The following CEP112 variants were observed in gnomAD, a reference collection of about 807,000 sequenced individuals.
CEP112 encodes the protein centrosomal protein 112, also known as centrosomal protein of 112 kDa.
Under a neutral mutation model 153.0 loss-of-function variants are expected in CEP112, and 127 were observed. The observed-to-expected ratio is 0.83, with a 90% CI of 0.72 to 0.96. The LOEUF (loss-of-function observed/expected upper bound fraction) is 0.96, where lower values mean the gene tolerates loss of function less well. Ranked by LOEUF, CEP112 falls within the 40% of genes least tolerant of loss-of-function variation. CEP112 has a pLI of 0.00. For missense variants in CEP112, 1,089 were observed against 1,101.2 expected, an observed-to-expected ratio of 0.99 and a Z score of 0.16; for synonymous variants, 358 against 374.4, an observed-to-expected ratio of 0.96 and a Z score of 0.51.
intron 17 of CEP112, among the ~76,000 whole-genome samples, chr17:65,993,386 G>A (rs1308659314): frequency 6.6e-6 from 1 of 152,032 alleles, no homozygotes; most frequent in Admixed American, 6.6e-5. Context: ...ACTGTGAATG[G>A]TGCTGCAATG....
At chr17:65,969,496 T>G (rs912251836) in intron 17 of CEP112, among the ~76,000 whole-genome samples, 1 of 152,160 alleles carries the variant, frequency 6.6e-6, no homozygotes, top group African/African-American at 2.4e-5. Context: ...TACACACAGG[T>G]ATACTGTATT....
chr17:65,853,633 G>A (rs1242676502), intron 20 of CEP112, among the ~76,000 whole-genome samples: 1 of 151,846 alleles, frequency 6.6e-6, no homozygotes, highest in Non-Finnish European at 1.5e-5. Flanking sequence ...GAAGGCGGAG[G>A]CAGAGAACTG....
intron 8 of CEP112, among the ~76,000 whole-genome samples, chr17:66,075,540 G>C (rs913796114): frequency 6.6e-6 from 1 of 151,958 alleles, no homozygotes; most frequent in Non-Finnish European, 1.5e-5. Flanking sequence ...ATAAAAAAAG[G>C]GGGTACCAGT....
At chr17:65,879,353 C>CT (rs951878949) in intron 20 of CEP112, among the ~76,000 whole-genome samples, 2 of 152,254 alleles carry the variant, frequency 1.3e-5, no homozygotes, top group African/African-American at 4.8e-5. Flanking sequence ...AGGAAACATA[C>CT]TTTTTTCCCC....
At position 65,909,541 on chromosome 17, in the gene CEP112, C is replaced by T. The variant is rs1022805848; in HGVS notation, c.1981-7207G>A. Among the ~76,000 whole-genome samples, 17 of 152,208 alleles carry T rather than the reference C, an allele frequency of 1.1e-4. 1 individual carries two copies. The East Asian group carries it at 3.3e-3, about 29-fold the overall frequency. ...ACCCTGATAGTTGGTCATTCAGCTG[C>T]TGCTGGAATGATTTTACCAACAGGA... On this transcript the variant is annotated intron_variant, in intron 19 of 26. Coordinates refer to ENST00000535342, the MANE Select transcript of CEP112 (RefSeq NM_001199165.4).
chr17:66,044,403 G>A (rs2066113224), intron 12 of CEP112, among the ~76,000 whole-genome samples: 2 of 151,976 alleles, frequency 1.3e-5, no homozygotes, highest in Non-Finnish European at 2.9e-5. Context: ...AAATATCAAA[G>A]AGGTATCTGT....
intron 24 of CEP112, among the ~76,000 whole-genome samples, chr17:65,668,002 T>A (rs2046783964): frequency 6.6e-6 from 1 of 152,052 alleles, no homozygotes; most frequent in Admixed American, 6.5e-5. Context: ...ATTCAAGTGA[T>A]TCTCCTGGTT....
chr17:65,959,205 C>A (rs960418553), intron 18 of CEP112, among the ~76,000 whole-genome samples: 3 of 152,120 alleles, frequency 2.0e-5, no homozygotes, highest in Middle Eastern at 3.2e-3. Flanking sequence ...ACTCTAGGGC[C>A]TCCTCTCTGC....
At position 65,720,991 on chromosome 17, in the gene CEP112, T is replaced by TTCTC. The variant is rs780679393; in HGVS notation, c.2607+22076_2607+22077insGAGA. ...GTTCCAGAATCCATGCTTTTAAGTTTTATCTCTCTCTCTCTCTCTTTTTTT... is the reference window on the plus strand; with the variant it reads ...GTTCCAGAATCCATGCTTTTAAGTTTTCTCTATCTCTCTCTCTCTCTCTTTTTTT... On this transcript the variant is annotated intron_variant, in intron 23 of 26. Coordinates refer to ENST00000535342, the MANE Select transcript of CEP112 (RefSeq NM_001199165.4). 5.2e-3 allele frequency among the ~76,000 whole-genome samples: 728 copies of TTCTC among 140,380 alleles called. 18 individuals are homozygous for TTCTC. The highest frequency in any genetic ancestry group is 0.014 in the South Asian group (62 of 4,288). 92.1% of individuals were successfully genotyped at this position (140,380 alleles called of 152,430 possible).
chr17:66,175,156 G>GTAA lies in CEP112; in HGVS notation c.355_357dup (p.Leu119dup), dbSNP rs2072418071. On this transcript the variant is annotated inframe_insertion, in exon 4 of 27. Coordinates refer to ENST00000535342, the MANE Select transcript of CEP112 (RefSeq NM_001199165.4). ...TCCAGCTCACCCAGTACCCAGGCTG[G>GTAA]TAATCCCTCTGGGCTTGAACCTTTT... 6.2e-7 allele frequency: 1 copy of GTAA among 1,613,036 alleles called. No homozygotes were observed. Among genetic ancestry groups the GTAA allele is most frequent in the Non-Finnish European group, 8.5e-7 (1 of 1,179,566 alleles).
At position 65,816,132 on chromosome 17, in the gene CEP112, T is replaced by C. The variant is rs557664998; in HGVS notation, c.2394+35672A>G. Reference sequence around the variant, plus strand: ...GTTGTTGGTTTTTCTTTTTCTGGTGTCTTTTCTTTTTAAAAAAGTTTTTAA... The same window carrying C: ...GTTGTTGGTTTTTCTTTTTCTGGTGCCTTTTCTTTTTAAAAAAGTTTTTAA... On this transcript the variant is annotated intron_variant, in intron 21 of 26. Coordinates refer to ENST00000535342, the MANE Select transcript of CEP112 (RefSeq NM_001199165.4). Among the ~76,000 whole-genome samples the C allele has an allele frequency of 2.0e-5, 3 of 151,960 alleles. No individual in the cohort carries two copies. The South Asian group carries it at 6.2e-4, about 31-fold the overall frequency.
intron 12 of CEP112, among the ~76,000 whole-genome samples, chr17:66,042,023 T>C (rs901662654): frequency 3.3e-5 from 5 of 152,084 alleles, no homozygotes; most frequent in African/African-American, 9.7e-5. Flanking sequence ...ATGATCAAAA[T>C]TAATATGCAC....
intron 20 of CEP112, among the ~76,000 whole-genome samples, chr17:65,859,643 T>G (rs952085460): frequency 3.3e-5 from 5 of 151,188 alleles, no homozygotes; most frequent in African/African-American, 1.2e-4. Flanking sequence ...AAATATCCCT[T>G]TTAAACTAGG....
At chr17:65,835,555 C>A in intron 21 of CEP112, among the ~76,000 whole-genome samples, 1 of 152,108 alleles carries the variant, frequency 6.6e-6, no homozygotes, top group Non-Finnish European at 1.5e-5. Context: ...ATGCTATATT[C>A]CAAGTTTAGG....
chr17:66,024,256 A>G (rs147200713), intron 16 of CEP112, among the ~76,000 whole-genome samples: 73 of 152,270 alleles, frequency 4.8e-4, no homozygotes, highest in Middle Eastern at 3.4e-3. Context: ...TAAGAACTGG[A>G]ATAAGACAAG....
At chr17:66,037,356 G>A (rs927250078) in intron 12 of CEP112, among the ~76,000 whole-genome samples, 5 of 151,886 alleles carry the variant, frequency 3.3e-5, no homozygotes, top group South Asian at 2.1e-4. Flanking sequence ...CCTTCTTCCC[G>A]TGACCACCTC....
At chr17:65,974,778 T>C (rs2062970353) in intron 17 of CEP112, among the ~76,000 whole-genome samples, 1 of 152,192 alleles carries the variant, frequency 6.6e-6, no homozygotes, top group Non-Finnish European at 1.5e-5. Flanking sequence ...ATCTGCTTAT[T>C]TGTGCAGGAA....
chr17:65,979,027 G>C (rs1415534102), intron 17 of CEP112, among the ~76,000 whole-genome samples: 1 of 151,998 alleles, frequency 6.6e-6, no homozygotes, highest in Non-Finnish European at 1.5e-5. Flanking sequence ...CTTCTTGGAG[G>C]GTTAAGCCAG....
chr17:65,886,883 T>C (rs758137856), intron 20 of CEP112, among the ~76,000 whole-genome samples: 2 of 152,106 alleles, frequency 1.3e-5, no homozygotes, highest in Non-Finnish European at 2.9e-5. Context: ...ATAACTATAA[T>C]ATAACATTAA....
Sources: allele counts gnomAD v4.1 joint callset (sites outside exome capture counted in the v4.1 genomes callset), GRCh38; gene constraint gnomAD v4.1.1; transcripts MANE v1.5; gene names NCBI Gene and HGNC (gene_info 2026-07-23, HGNC 2026-07-21).